Variants in DOCK3 observed in about 807,000 individuals in gnomAD.
DOCK3 encodes the protein dedicator of cytokinesis 3, also known as dedicator of cytokinesis protein 3.
In DOCK3, 60 loss-of-function variants were observed where a neutral mutation model predicts 265.6. That is an observed-to-expected ratio of 0.23 (90% CI 0.18 to 0.28). The LOEUF is 0.28. DOCK3 is among the 10% of genes least tolerant of loss of function. The probability of loss-of-function intolerance (pLI) is 1.00; values close to 1 mark genes in which losing one functional copy is unlikely to be tolerated. For missense variants in DOCK3, 1,981 were observed against 2,594.3 expected (o/e 0.76, Z 5.14); for synonymous variants, 881 against 938.0 (o/e 0.94, Z 1.11).
intron 5 of DOCK3, among the ~76,000 whole-genome samples, chr3:50,989,514 G>A (rs2078028505): frequency 6.6e-6 from 1 of 152,078 alleles, no homozygotes; most frequent in African/African-American, 2.4e-5. Context: ...GCCACCAACT[G>A]GATTACATCC....
At position 50,675,846 on chromosome 3, in the gene DOCK3, A is replaced by T. The variant is rs542392606; in HGVS notation, c.37+546A>T. Among the ~76,000 whole-genome samples, 7 of 151,916 alleles carry T rather than the reference A, an allele frequency of 4.6e-5. No homozygotes were observed. The highest frequency in any genetic ancestry group is 1.7e-4 in the African/African-American group (7 of 41,442). ...TTAGTATTAGAAATAATACCTTACGATGGGAAATGTTTTTGGACATGTATC... is the reference window on the plus strand; with the variant it reads ...TTAGTATTAGAAATAATACCTTACGTTGGGAAATGTTTTTGGACATGTATC... On this transcript the variant is annotated intron_variant, in intron 1 of 52. Coordinates refer to ENST00000266037, the MANE Select transcript of DOCK3 (RefSeq NM_004947.5). This position sits in a 1 kb window ranked among gnomAD's most constrained non-coding sequence, Gnocchi z 6.1.
intron 11 of DOCK3, 40 bp downstream of exon 11, chr3:51,159,344 C>T: frequency 6.3e-7 from 1 of 1,581,420 alleles, no homozygotes; most frequent in Non-Finnish European, 8.7e-7. Context: ...TAAGAATGGC[C>T]CAACTTGGGA....
chr3:51,036,419 A>T (rs2080266118), intron 5 of DOCK3, among the ~76,000 whole-genome samples: 1 of 152,232 alleles, frequency 6.6e-6, no homozygotes, highest in East Asian at 1.9e-4. Flanking sequence ...AGATCAAAAT[A>T]TTCATTGCCT....
intron 1 of DOCK3, among the ~76,000 whole-genome samples, chr3:50,693,103 CAGT>C (rs2035359462): frequency 6.6e-6 from 1 of 152,128 alleles, no homozygotes; most frequent in South Asian, 2.1e-4. Flanking sequence ...GTCTTTATGC[CAGT>C]ATCACACTGT....
chr3:50,855,465 A>T (rs1401595859), intron 3 of DOCK3, among the ~76,000 whole-genome samples: 2 of 152,082 alleles, frequency 1.3e-5, no homozygotes, highest in African/African-American at 4.8e-5. Flanking sequence ...CTCAGCTTGA[A>T]TGCTATTGAA....
chr3:51,220,247 T>A (rs1464785996), intron 14 of DOCK3, among the ~76,000 whole-genome samples: 3 of 152,116 alleles, frequency 2.0e-5, no homozygotes, highest in African/African-American at 7.2e-5. Context: ...ATCATCCCAA[T>A]TGTACTGAAA....
chr3:51,068,326 G>A (rs1165491047), intron 6 of DOCK3, among the ~76,000 whole-genome samples: 2 of 151,836 alleles, frequency 1.3e-5, no homozygotes, highest in Non-Finnish European at 2.9e-5. Flanking sequence ...AGATCACGAG[G>A]TCAAGAGATC....
At chr3:50,996,811 T>C (rs2078304119) in intron 5 of DOCK3, among the ~76,000 whole-genome samples, 1 of 152,246 alleles carries the variant, frequency 6.6e-6, no homozygotes, top group Non-Finnish European at 1.5e-5. Flanking sequence ...ATCTCTTCAG[T>C]GGTCAGCCTT....
intron 5 of DOCK3, among the ~76,000 whole-genome samples, chr3:51,006,878 G>T (rs1330936297): frequency 1.3e-5 from 2 of 152,126 alleles, no homozygotes; most frequent in Admixed American, 6.5e-5. Flanking sequence ...GCGGTATTTG[G>T]TTTTCTGTCC....
chr3:51,278,974 C>T (rs1434156060), intron 26 of DOCK3, among the ~76,000 whole-genome samples: 3 of 152,020 alleles, frequency 2.0e-5, no homozygotes, highest in East Asian at 1.9e-4. Flanking sequence ...TCAGGCCAGG[C>T]GTGATGGCTC....
At chr3:51,352,477 T>G (rs937571646) in intron 40 of DOCK3, among the ~76,000 whole-genome samples, 1 of 152,206 alleles carries the variant, frequency 6.6e-6, no homozygotes, top group Admixed American at 6.5e-5. Context: ...AAAACCTGCA[T>G]CTAAGCCATC....
intron 4 of DOCK3, chr3:50,900,726 T>G: frequency 2.2e-6 from 1 of 451,280 alleles, no homozygotes; most frequent in Non-Finnish European, 4.4e-6. Context: ...CTTCCAATGG[T>G]CAGGCTCCTC....
At chr3:50,697,533 G>A (rs1216903390) in intron 1 of DOCK3, among the ~76,000 whole-genome samples, 1 of 152,214 alleles carries the variant, frequency 6.6e-6, no homozygotes, top group Non-Finnish European at 1.5e-5. Flanking sequence ...GGAGGTTGCA[G>A]TGAGCCGAGA....
At chr3:50,817,891 A>G (rs146648322) in intron 2 of DOCK3, among the ~76,000 whole-genome samples, 1 of 152,298 alleles carries the variant, frequency 6.6e-6, no homozygotes, top group African/African-American at 2.4e-5. Context: ...TTTTCATTTC[A>G]TTTGAAGTTT....
intron 27 of DOCK3, among the ~76,000 whole-genome samples, chr3:51,289,611 G>A (rs1402429924): frequency 1.3e-5 from 2 of 151,450 alleles, no homozygotes; most frequent in Admixed American, 6.6e-5. Context: ...CCAATCAAAA[G>A]ACGTGGAGTT....
intron 25 of DOCK3, among the ~76,000 whole-genome samples, 163 bp downstream of exon 25, chr3:51,275,369 A>G (rs1032038911): frequency 6.6e-6 from 1 of 152,196 alleles, no homozygotes; most frequent in African/African-American, 2.4e-5. Context: ...GTGTGTTCCC[A>G]GCAGGTTTGT....
intron 2 of DOCK3, among the ~76,000 whole-genome samples, chr3:50,839,013 A>G (rs530189565): frequency 5.3e-5 from 8 of 152,212 alleles, no homozygotes; most frequent in Non-Finnish European, 8.8e-5. Flanking sequence ...AACTACTTAG[A>G]TCAGTGATTG....
At chr3:50,948,361 G>A (rs1358840273) in intron 5 of DOCK3, among the ~76,000 whole-genome samples, 7 of 144,958 alleles carry the variant, frequency 4.8e-5, no homozygotes, top group African/African-American at 1.8e-4. Context: ...GGCCTCTGCA[G>A]ATATTTTTTG....
intron 32 of DOCK3, among the ~76,000 whole-genome samples, chr3:51,320,615 C>T (rs1450846617): frequency 1.3e-5 from 2 of 152,156 alleles, no homozygotes; most frequent in African/African-American, 4.8e-5. Context: ...CCGAGGTCGA[C>T]CTGGGACACT....
Sources: gnomAD v4.1 joint callset for allele counts (sites outside exome capture counted in the v4.1 genomes callset) on GRCh38, gnomAD v4.1.1 for gene constraint, Gnocchi (gnomAD v3.1) non-coding constraint, MANE v1.5 for transcripts, NCBI Gene and HGNC (gene_info 2026-07-23, HGNC 2026-07-21) for gene names.